CDCA7: variants seen among roughly 807,000 people sequenced by gnomAD.
CDCA7 encodes cell division cycle associated 7.
Under a neutral mutation model 54.0 loss-of-function variants are expected in CDCA7, and 28 were observed. The observed-to-expected ratio is 0.52, with a 90% CI of 0.38 to 0.71. CDCA7 has a LOEUF of 0.71. CDCA7 is among the 30% of genes least tolerant of loss of function. The pLI is 0.00. For synonymous variants in CDCA7, 180 were observed against 208.2 expected, an observed-to-expected ratio of 0.86 and a Z score of 1.16; for missense variants, 484 against 586.0, an observed-to-expected ratio of 0.83 and a Z score of 1.80.
Position 173,366,362 on chromosome 2 carries a change from G to A in CDCA7, c.1115G>A (p.Arg372Gln). 3 of 1,614,068 alleles carry A rather than the reference G, an allele frequency of 1.9e-6. No homozygotes were observed. The highest frequency in any genetic ancestry group is 2.5e-6 in the Non-Finnish European group (3 of 1,180,026). ...AGAAACCCAGACTGCTGGGGCGTTC[G>A]AGGCCAGTTCTGTGGCCCCTGCCTT... Reference protein sequence around the residue: ...NCRNPDCWGVRGQFCGPCLRN... With the variant: ...NCRNPDCWGVQGQFCGPCLRN... Residue 372 changes from arginine (R) to glutamine (Q), a missense_variant, in exon 8 of 10, where the codon CGA becomes CAA. Physicochemically the swap from Arg to Gln is conservative, Grantham distance 43. Transcript: ENST00000306721. This position sits in a 1 kb window ranked among gnomAD's most constrained non-coding sequence, Gnocchi z 4.5.
At chr2:173,360,788 T>G (rs778630021) in intron 3 of CDCA7, among the ~76,000 whole-genome samples, 4 of 152,182 alleles carry the variant, frequency 2.6e-5, no homozygotes, top group Non-Finnish European at 4.4e-5. Flanking sequence ...GATAAATATT[T>G]TAATGTTAAA....
chr2:173,367,039 T>C (rs1686736512), intron 8 of CDCA7, 111 bp from the exon 9 acceptor site: 1 of 1,409,634 alleles, frequency 7.1e-7, no homozygotes, highest in Admixed American at 2.3e-5. Context: ...GACTAATGCC[T>C]ATTAATCATA....
intron 3 of CDCA7, among the ~76,000 whole-genome samples, chr2:173,361,754 CT>C (rs1166520508): frequency 6.6e-6 from 1 of 151,838 alleles, no homozygotes; most frequent in Non-Finnish European, 1.5e-5. Context: ...ACCCAGCCTT[CT>C]TTTGCTTTTT....
At chr2:173,367,046 CAT>C in intron 8 of CDCA7, 102 bp from the exon 9 acceptor site, 1 of 1,448,184 alleles carries the variant, frequency 6.9e-7, no homozygotes, top group Non-Finnish European at 9.3e-7. Context: ...GCCTATTAAT[CAT>C]ATAAATTTTT....
rs199654527 is a variant in CDCA7, at chr2:173,366,358, G to A, written c.1111G>A (p.Val371Ile). ...CTGCAGAAACCCAGACTGCTGGGGCGTTCGAGGCCAGTTCTGTGGCCCCTG... is the reference window on the plus strand; with the variant it reads ...CTGCAGAAACCCAGACTGCTGGGGCATTCGAGGCCAGTTCTGTGGCCCCTG... ...TNCRNPDCWG[V>I]RGQFCGPCLR... is the part of the protein sequence containing the mutation. Residue 371 changes from valine to isoleucine, a missense_variant, in exon 8 of 10, where the codon GTT becomes ATT. By Grantham distance (29) the Val-to-Ile change is conservative. Around this residue, in one of 3 missense-constraint regions of CDCA7, gnomAD observed 83 missense variants for 122.3 expected, o/e 0.68. Transcript: ENST00000306721. The surrounding 1 kb of genome is among the most constrained non-coding windows in gnomAD (Gnocchi z 4.5). 32 of 1,614,084 alleles carry A rather than the reference G, an allele frequency of 2.0e-5. No homozygotes were observed. In the South Asian group the frequency reaches 2.1e-4, roughly 11 times the overall value.
rs1200231071 is a variant in CDCA7 at position 173,363,433 on chromosome 2, G to A, written c.592G>A (p.Ala198Thr). 1 of 1,614,112 alleles carries A rather than the reference G, an allele frequency of 6.2e-7. No homozygotes were observed. Among genetic ancestry groups the A allele is most frequent in the South Asian group, 1.1e-5 (1 of 91,080 alleles). ...TGGAATGAATTTTTTGGAGAAAAGG[G>A]CTTTAAATATAAAGCAAAACAAAGC... The part of the protein sequence containing the change: ...ESGMNFLEKR[A>T]LNIKQNKAML... The change falls in exon 4 of 10, where the codon GCT becomes ACT. Residue 198 changes from alanine (A) to threonine (T), a missense_variant. By Grantham distance (58) the Ala-to-Thr change is moderately conservative (BLOSUM62 0). This residue lies in a region of CDCA7 where 398 missense variants were observed against 447.4 expected (regional missense o/e 0.89). Transcript: ENST00000306721.
At position 173,366,266 on chromosome 2, in the gene CDCA7, T is replaced by A; in HGVS notation, c.1036-17T>A. 1 of 1,584,228 alleles carries A rather than the reference T, an allele frequency of 6.3e-7. No homozygotes were observed. Among genetic ancestry groups the A allele is most frequent in the South Asian group, 1.2e-5 (1 of 86,890 alleles). On this transcript the variant is annotated splice_polypyrimidine_tract_variant and intron_variant, in intron 7 of 9. Transcript: ENST00000306721. The surrounding 1 kb of genome is among the most constrained non-coding windows in gnomAD (Gnocchi z 4.5). ...CAGTGGTTTTTTTTGTTTTTTTTCTTAATGGCTTATTTGTAGGGCTCTACT... is the reference window on the plus strand; with the variant it reads ...CAGTGGTTTTTTTTGTTTTTTTTCTAAATGGCTTATTTGTAGGGCTCTACT...
intron 3 of CDCA7, among the ~76,000 whole-genome samples, chr2:173,362,824 C>T (rs559089657): frequency 5.3e-5 from 8 of 152,156 alleles, no homozygotes; most frequent in Admixed American, 2.0e-4. Context: ...GTGATTCACC[C>T]GCCTCAGCCT....
At chr2:173,367,123 T>C (rs781668017) in intron 8 of CDCA7, 27 bp from the exon 9 acceptor site, 2 of 1,555,362 alleles carry the variant, frequency 1.3e-6, no homozygotes, top group Non-Finnish European at 1.7e-6. Context: ...TTTAACTTAA[T>C]TGTGCCGTTT....
At chr2:173,361,890 C>T (rs959769041) in intron 3 of CDCA7, among the ~76,000 whole-genome samples, 1 of 152,104 alleles carries the variant, frequency 6.6e-6, no homozygotes, top group Non-Finnish European at 1.5e-5. Flanking sequence ...GATCTCTGCT[C>T]ACTGCAACCT....
chr2:173,364,607 A>G (rs1336214152), intron 5 of CDCA7, 188 bp from the exon 6 acceptor site: 1 of 704,648 alleles, frequency 1.4e-6, no homozygotes, highest in East Asian at 3.6e-5. Flanking sequence ...TGGTATTACA[A>G]AAGCAAAATT....
At chr2:173,362,749 AT>A (rs11437573) in intron 3 of CDCA7, among the ~76,000 whole-genome samples, 1 of 149,670 alleles carries the variant, frequency 6.7e-6, no homozygotes. Context: ...TAATTTTTGT[AT>A]TTTTTTTTGC....
Position 173,363,220 on chromosome 2 carries a change from G to C in CDCA7, c.385-6G>C. ...CAAGTCCTAATGACTCAATTGTTGT[G>C]ATTAGAGGCTGCAGTCAGTTCGGGA... On this transcript the variant is annotated splice_polypyrimidine_tract_variant and splice_region_variant and intron_variant, in intron 3 of 9. Coordinates refer to ENST00000306721, the MANE Select transcript of CDCA7 (RefSeq NM_031942.5). 1 of 1,613,808 alleles carries C rather than the reference G, an allele frequency of 6.2e-7. No homozygotes were observed. The highest frequency in any genetic ancestry group is 8.5e-7 in the Non-Finnish European group (1 of 1,179,772).
At position 173,363,507 on chromosome 2, in the gene CDCA7, C is replaced by T. The variant is rs546810475; in HGVS notation, c.621+45C>T. On this transcript the variant is annotated intron_variant, in intron 4 of 9. Transcript: ENST00000306721. ...TTAGAATTAATTTTTCCTCTCTAAG[C>T]GACTCATTACTTAAATCTGTTCCAT... The T allele has an allele frequency of 1.1e-4, 166 of 1,523,554 alleles. 4 individuals are homozygous for T. In the South Asian group the frequency reaches 1.8e-3, roughly 16 times the overall value. The allele number at this position is 1,523,554 out of a possible 1,614,324, so 94.4% of individuals were successfully genotyped here.
chr2:173,367,487 G>T (rs1297401684), intron 9 of CDCA7, 147 bp from the exon 10 acceptor site: 2 of 1,277,864 alleles, frequency 1.6e-6, no homozygotes, highest in East Asian at 4.7e-5. Flanking sequence ...GTATGAAAAA[G>T]TCAGGTAATA....
At chr2:173,362,053 G>A (rs931928354) in intron 3 of CDCA7, among the ~76,000 whole-genome samples, 1 of 152,176 alleles carries the variant, frequency 6.6e-6, no homozygotes, top group Non-Finnish European at 1.5e-5. Context: ...CTGACGTCAG[G>A]TGATCCGCCT....
chr2:173,360,291 G>C (rs968924654), intron 3 of CDCA7, among the ~76,000 whole-genome samples: 9 of 152,178 alleles, frequency 5.9e-5, no homozygotes, highest in African/African-American at 1.9e-4. Context: ...GGTCCAGTCT[G>C]CAGATCTGGA....
chr2:173,363,874 T>A lies in CDCA7; in HGVS notation c.678T>A (p.His226Gln), dbSNP rs144415572. 23 of 1,614,180 alleles carry A rather than the reference T, an allele frequency of 1.4e-5. No individual in the cohort carries two copies. Among genetic ancestry groups the A allele is most frequent in the Non-Finnish European group, 1.9e-5 (22 of 1,180,014 alleles). The change falls in exon 5 of 10, where the codon CAT (histidine) becomes CAA (glutamine). Residue 226 changes from histidine (H) to glutamine (Q), a missense_variant. His to Gln is a conservative substitution (Grantham distance 24). This residue lies in a region of CDCA7 where 398 missense variants were observed against 447.4 expected (regional missense o/e 0.89). Transcript: ENST00000306721. ...ESFPGSFRGR[H>Q]PLPGSDSQSR... ...TCCCTGGCTCGTTCCGTGGAAGACA[T>A]CCCCTCCCAGGCTCCGACTCAGTAA...
In CDCA7 at chr2:173,363,296, C is replaced by T. The variant is rs993467734; in HGVS notation, c.455C>T (p.Ala152Val). 1.3e-5 allele frequency: 21 copies of T among 1,613,930 alleles called. No individual in the cohort carries two copies. Among genetic ancestry groups the T allele is most frequent in the African/African-American group, 4.0e-5 (3 of 74,870 alleles). Residue 152 changes from alanine (A) to valine (V), a missense_variant, in exon 4 of 10, where the codon GCG becomes GTG. Transcript: ENST00000306721. ...QCRHSGPLRVAMKFPARSTRG... is the reference protein window; with the variant it reads ...QCRHSGPLRVVMKFPARSTRG... ...AGGCACTCTGGACCTCTCAGGGTGG[C>T]GATGAAGTTTCCAGCGCGGAGTACC...
Sources: gnomAD v4.1 joint callset for allele counts (sites outside exome capture counted in the v4.1 genomes callset) on GRCh38, gnomAD v4.1.1 for gene constraint, gnomAD v4.1.1 regional missense constraint, Gnocchi (gnomAD v3.1) non-coding constraint, MANE v1.5 for transcripts, NCBI Gene and HGNC (gene_info 2026-07-23, HGNC 2026-07-21) for gene names.